Variants in OR10J1 observed in about 807,000 individuals in gnomAD.
OR10J1 encodes the protein olfactory receptor family 10 subfamily J member 1, also known as olfactory receptor 10J1.
For synonymous variants in OR10J1, 202 were observed against 143.8 expected, an observed-to-expected ratio of 1.40 and a Z score of -2.89; for missense variants, 474 against 376.6, an observed-to-expected ratio of 1.26 and a Z score of -2.14.
chr1:159,425,627 T>C, the OR10J1 span, among the ~76,000 whole-genome samples: 36 of 152,186 alleles, frequency 2.4e-4, no homozygotes, highest in African/African-American at 7.2e-4. Context: ...TAGGAACTTA[T>C]AGTAAGCTGC....
the OR10J1 span, among the ~76,000 whole-genome samples, chr1:159,400,519 G>A: frequency 1.3e-5 from 2 of 149,210 alleles, no homozygotes; most frequent in African/African-American, 2.5e-5. Flanking sequence ...TTCAGCAAGG[G>A]GATATAACAA....
chr1:159,403,928 GC>G, the OR10J1 span, among the ~76,000 whole-genome samples: 18 of 152,050 alleles, frequency 1.2e-4, no homozygotes, highest in Admixed American at 4.6e-4. Context: ...GTAATGTTCA[GC>G]CATAAAAAAA....
chr1:159,430,668 T>TGTGTGTGC, the OR10J1 span, among the ~76,000 whole-genome samples: 2,083 of 69,614 alleles, frequency 0.03, 23 homozygotes, highest in Non-Finnish European at 0.054. Flanking sequence ...TGTGTGTGTG[T>TGTGTGTGC]GCGCGCGCGC....
At chr1:159,411,456 C>T in the OR10J1 span, among the ~76,000 whole-genome samples, 8 of 152,042 alleles carry the variant, frequency 5.3e-5, no homozygotes, top group Admixed American at 1.3e-4. Context: ...TATGCAGTGG[C>T]CTTCTTTGTC....
the OR10J1 span, among the ~76,000 whole-genome samples, chr1:159,428,321 C>A: frequency 8.5e-5 from 13 of 152,222 alleles, no homozygotes; most frequent in South Asian, 2.1e-3. Flanking sequence ...ATTTTCTTAG[C>A]CTTTTCTCCC....
chr1:159,399,445 C>T, the OR10J1 span, among the ~76,000 whole-genome samples: 288 of 151,830 alleles, frequency 1.9e-3, no homozygotes, highest in Admixed American at 3.7e-3. Flanking sequence ...GTGGTGGGCA[C>T]CTGTAGTCCC....
the OR10J1 span, among the ~76,000 whole-genome samples, chr1:159,422,311 G>T: frequency 6.6e-6 from 1 of 152,140 alleles, no homozygotes; most frequent in Non-Finnish European, 1.5e-5. Context: ...AGCAGTGACT[G>T]CACTGTGGCC....
Position 159,440,279 on chromosome 1 carries a change from T to A in OR10J1, c.488T>A (p.Val163Glu), listed in dbSNP as rs1264275844. Residue 163 changes from valine to glutamate, a missense_variant, in exon 1 of 1, where the codon GTA becomes GAA. Val to Glu is a moderately radical substitution (Grantham distance 121). Transcript: ENST00000423932. ...GTAGCAATAACGCAAGTGACATCTG[T>A]ATTCAGGTTACCCTTCTGTGCTAGA... ...LIVAITQVTSVFRLPFCARKV... is the reference protein window; with the variant it reads ...LIVAITQVTSEFRLPFCARKV... 6.2e-7 allele frequency: 1 copy of A among 1,614,164 alleles called. No individual in the cohort carries two copies. The highest frequency in any genetic ancestry group is 2.2e-5 in the East Asian group (1 of 44,882).
At chr1:159,433,663 G>A (rs543813672), upstream of OR10J1, among the ~76,000 whole-genome samples, 3 of 152,220 alleles carry the variant, frequency 2.0e-5, no homozygotes, top group South Asian at 6.2e-4. Context: ...TGATTCCCCT[G>A]CCCCATCCTG....
the OR10J1 span, among the ~76,000 whole-genome samples, chr1:159,412,702 A>T: frequency 2.0e-5 from 3 of 152,184 alleles, no homozygotes; most frequent in South Asian, 6.2e-4. Context: ...TGGATTAAAG[A>T]CTTAAATGTT....
the OR10J1 span, chr1:159,432,356 C>T: frequency 2.5e-6 from 1 of 401,810 alleles, no homozygotes; most frequent in Middle Eastern, 3.1e-4. Flanking sequence ...TAGTTATCCG[C>T]CTTAACCATC....
the OR10J1 span, among the ~76,000 whole-genome samples, chr1:159,413,886 A>G: frequency 6.6e-6 from 1 of 151,738 alleles, no homozygotes; most frequent in African/African-American, 2.4e-5. Context: ...ATAAAAAAAT[A>G]TATTGCTTGT....
At chr1:159,403,089 C>T in the OR10J1 span, among the ~76,000 whole-genome samples, 1 of 152,170 alleles carries the variant, frequency 6.6e-6, no homozygotes, top group African/African-American at 2.4e-5. Context: ...CCCTATCTCT[C>T]ACCATGCACA....
the OR10J1 span, among the ~76,000 whole-genome samples, chr1:159,402,896 G>A: frequency 6.6e-6 from 1 of 151,828 alleles, no homozygotes; most frequent in East Asian, 1.9e-4. Flanking sequence ...CAGCATACTA[G>A]TGTCATAAAA....
chr1:159,421,825 C>T, the OR10J1 span, among the ~76,000 whole-genome samples: 159 of 152,204 alleles, frequency 1.0e-3, 2 homozygotes, highest in African/African-American at 2.3e-3. Flanking sequence ...TGGTGACGTA[C>T]GCTGGCACTG....
chr1:159,411,894 A>C, the OR10J1 span, among the ~76,000 whole-genome samples: 2 of 152,046 alleles, frequency 1.3e-5, no homozygotes. Flanking sequence ...AGGAAGTCAA[A>C]TTGTCCCTGT....
the OR10J1 span, among the ~76,000 whole-genome samples, chr1:159,408,617 A>G: frequency 1.3e-5 from 2 of 152,020 alleles, no homozygotes; most frequent in Non-Finnish European, 2.9e-5. Context: ...AAGTATAATA[A>G]TAAAAAAAAA....
chr1:159,419,258 C>A, the OR10J1 span, among the ~76,000 whole-genome samples: 2 of 152,156 alleles, frequency 1.3e-5, no homozygotes, highest in Non-Finnish European at 2.9e-5. Flanking sequence ...TGGTTTGACT[C>A]TGACCCTACC....
chr1:159,417,951 C>A, the OR10J1 span, among the ~76,000 whole-genome samples: 1 of 152,114 alleles, frequency 6.6e-6, no homozygotes, highest in Non-Finnish European at 1.5e-5. Context: ...TATATTTTAG[C>A]AAAGAGACTT....
Sources: allele counts gnomAD v4.1 joint callset (sites outside exome capture counted in the v4.1 genomes callset), GRCh38; gene constraint gnomAD v4.1.1; transcripts MANE v1.5; gene names NCBI Gene and HGNC (gene_info 2026-07-23, HGNC 2026-07-21).